Variants in DCP2 observed in about 807,000 individuals in gnomAD.
The protein encoded by DCP2 is decapping mRNA 2.
Under a neutral mutation model 56.1 loss-of-function variants are expected in DCP2, and 30 were observed. The observed-to-expected ratio is 0.53, with a 90% confidence interval of 0.40 to 0.73. DCP2 has a LOEUF of 0.73. Among genes scored for constraint, DCP2 ranks in the 30% least tolerant of loss-of-function variants. The pLI, the probability that DCP2 is intolerant of heterozygous loss-of-function variation, is 0.00. For synonymous variants in DCP2, 197 were observed against 163.3 expected (o/e 1.21, Z -1.57); for missense variants, 533 against 502.7 (o/e 1.06, Z -0.58).
In DCP2 at chr5:112,992,908, T is replaced by G. The variant is rs1428740311; in HGVS notation, c.432+138T>G. The G allele has an allele frequency of 3.8e-5, 18 of 470,208 alleles. No individual in the cohort carries two copies. In the South Asian group the frequency reaches 4.1e-4, roughly 11 times the overall value. 29.1% of individuals were successfully genotyped at this position (470,208 alleles called of 1,614,324 possible). ...AGTGCATGAAGTAACTTACTTTTTT[T>G]TTTTTTAAATCACTGTTGATTGTTT... On this transcript the variant is annotated intron_variant, in intron 4 of 10. Coordinates refer to ENST00000389063, the MANE Select transcript of DCP2 (RefSeq NM_152624.6).
At chr5:112,985,057 C>G (rs76297296) in intron 1 of DCP2, among the ~76,000 whole-genome samples, 2,958 of 152,064 alleles carry the variant, frequency 0.019, 94 homozygotes, top group African/African-American at 0.059. Context: ...GAATCTGTCT[C>G]TAATGGTTAC....
intron 4 of DCP2, among the ~76,000 whole-genome samples, chr5:112,999,009 A>C (rs1318786498): frequency 6.6e-6 from 1 of 152,170 alleles, no homozygotes; most frequent in Non-Finnish European, 1.5e-5. Flanking sequence ...ATCCATGCTT[A>C]CTTGCTGCAT....
At chr5:113,005,151 G>GGGGTGTGTGTGTGTGTGT (rs140772660) in intron 8 of DCP2, among the ~76,000 whole-genome samples, 16 of 149,524 alleles carry the variant, frequency 1.1e-4, no homozygotes, top group Middle Eastern at 3.4e-3. Context: ...TGTGCGTGTG[G>GGGGTGTGTGTGTGTGTGT]GTGTGTGTGT....
chr5:113,003,818 A>G (rs776978497), intron 7 of DCP2, 124 bp from the exon 8 acceptor site: 1 of 1,113,868 alleles, frequency 9.0e-7, no homozygotes, highest in Non-Finnish European at 1.3e-6. Flanking sequence ...TAGAACTTAC[A>G]TTCCAGTGGG....
At chr5:112,977,294 T>A (rs1747758117) in intron 1 of DCP2, among the ~76,000 whole-genome samples, 3 of 152,106 alleles carry the variant, frequency 2.0e-5, no homozygotes, top group Non-Finnish European at 4.4e-5. Context: ...GTCTTAGCGT[T>A]TTGCCGCCGC....
chr5:112,989,568 T>C (rs970110881), intron 2 of DCP2, among the ~76,000 whole-genome samples: 2 of 152,160 alleles, frequency 1.3e-5, no homozygotes, highest in Non-Finnish European at 2.9e-5. Context: ...ACAGAGTAAT[T>C]CAGAGGCTAA....
chr5:112,983,414 T>TA (rs1305628353), intron 1 of DCP2, among the ~76,000 whole-genome samples: 19 of 152,152 alleles, frequency 1.2e-4, no homozygotes, highest in East Asian at 1.2e-3. Context: ...GGGTATTTTT[T>TA]TAAAAAAATA....
chr5:113,011,312 G>C (rs576797510), intron 10 of DCP2, among the ~76,000 whole-genome samples: 1 of 152,288 alleles, frequency 6.6e-6, no homozygotes, highest in African/African-American at 2.4e-5. Context: ...GTGATACTAA[G>C]TATGAGTTTT....
At chr5:112,996,559 T>C (rs894887576) in intron 4 of DCP2, among the ~76,000 whole-genome samples, 3 of 152,146 alleles carry the variant, frequency 2.0e-5, no homozygotes, top group African/African-American at 7.2e-5. Context: ...ATTCCAGAGG[T>C]GTTTTGTTAC....
intron 7 of DCP2, among the ~76,000 whole-genome samples, chr5:113,002,342 A>C (rs1252551381): frequency 1.3e-5 from 2 of 151,624 alleles, no homozygotes; most frequent in African/African-American, 4.8e-5. Flanking sequence ...AGAATGGCTT[A>C]AACCTGGGAG....
chr5:112,987,700 C>A (rs374162037), intron 2 of DCP2, among the ~76,000 whole-genome samples: 55 of 143,356 alleles, frequency 3.8e-4, no homozygotes, highest in African/African-American at 1.4e-3. Flanking sequence ...TCTCAAACTC[C>A]TGCCGTCAAG....
At chr5:113,000,309 C>G (rs1480438446) in intron 4 of DCP2, among the ~76,000 whole-genome samples, 1 of 151,218 alleles carries the variant, frequency 6.6e-6, no homozygotes, top group African/African-American at 2.4e-5. Context: ...CTCAAGTGAT[C>G]CTCCCTCTGT....
chr5:113,010,710 CTG>C (rs781377721), intron 9 of DCP2, 44 bp from the exon 10 acceptor site: 6 of 1,434,758 alleles, frequency 4.2e-6, no homozygotes, highest in East Asian at 5.3e-5. Flanking sequence ...TAACTGGTGA[CTG>C]TGTTGTATGT....
At chr5:113,008,892 G>A (rs1039287841) in intron 9 of DCP2, among the ~76,000 whole-genome samples, 1 of 150,844 alleles carries the variant, frequency 6.6e-6, no homozygotes, top group Non-Finnish European at 1.5e-5. Context: ...TCACCAAGCT[G>A]GATTGCAGTG....
At chr5:112,986,249 C>A (rs774145995) in intron 2 of DCP2, among the ~76,000 whole-genome samples, 1 of 152,052 alleles carries the variant, frequency 6.6e-6, no homozygotes, top group Non-Finnish European at 1.5e-5. Context: ...GCATAGCTAG[C>A]CTGTTTGTAC....
At position 113,001,259 on chromosome 5, in the gene DCP2, G is replaced by C. The variant is rs1292983885; in HGVS notation, c.585+23G>C. The stretch of plus-strand genomic sequence containing the variant: ...CGGGTATGTAACAAGAGTATTTTCA[G>C]GTTACTGGACAGTATCCCAAATGAA... On this transcript the variant is annotated intron_variant, in intron 5 of 10. Coordinates refer to ENST00000389063, the MANE Select transcript of DCP2 (RefSeq NM_152624.6). 3 of 1,610,736 alleles carry C rather than the reference G, an allele frequency of 1.9e-6. No individual in the cohort carries two copies. In the Admixed American group the frequency reaches 5.0e-5, roughly 27 times the overall value.
At chr5:113,002,803 G>A (rs1204526044) in intron 7 of DCP2, among the ~76,000 whole-genome samples, 3 of 152,196 alleles carry the variant, frequency 2.0e-5, no homozygotes, top group Admixed American at 1.3e-4. Flanking sequence ...GATTACGGGC[G>A]TGAGCCACCA....
rs781487349 is a variant in DCP2, at chr5:113,017,003, T to G, written c.*3519T>G. The G allele has an allele frequency of 1.1e-4, 17 of 152,100 alleles. No individual in the cohort carries two copies. The highest frequency in any genetic ancestry group is 2.9e-4 in the African/African-American group (12 of 41,382). 9.4% of individuals were successfully genotyped at this position (152,100 alleles called of 1,614,324 possible). On this transcript the variant is annotated 3_prime_UTR_variant, in exon 11 of 11. Coordinates refer to ENST00000389063, the MANE Select transcript of DCP2 (RefSeq NM_152624.6). ...ATTACAGGCATGCGCCACCACGCCCTGCTAATTCTGTCTTTTTAGTAGAGA... is the reference window on the plus strand; with the variant it reads ...ATTACAGGCATGCGCCACCACGCCCGGCTAATTCTGTCTTTTTAGTAGAGA...
chr5:113,000,411 CACACACACA>C (rs1749113118), intron 4 of DCP2, among the ~76,000 whole-genome samples: 1 of 106,072 alleles, frequency 9.4e-6, no homozygotes, highest in Non-Finnish European at 2.0e-5. Flanking sequence ...CACACACACA[CACACACACA>C]CACACCCACA....
Sources: allele counts gnomAD v4.1 joint callset (sites outside exome capture counted in the v4.1 genomes callset), GRCh38; gene constraint gnomAD v4.1.1; transcripts MANE v1.5; gene names NCBI Gene and HGNC (gene_info 2026-07-23, HGNC 2026-07-21).